Variants in GLIS3 observed in about 807,000 individuals in gnomAD.
The protein encoded by GLIS3 is zinc finger protein GLIS3.
In GLIS3, 53 loss-of-function variants were observed where a neutral mutation model predicts 78.6. That is an observed-to-expected ratio of 0.67 (90% CI 0.54 to 0.85). The LOEUF (loss-of-function observed/expected upper bound fraction) is 0.85, where lower values mean the gene tolerates loss of function less well. GLIS3 is among the 40% of genes least tolerant of loss of function. The probability of loss-of-function intolerance (pLI) is 0.00; values close to 1 mark genes in which losing one functional copy is unlikely to be tolerated. For missense variants in GLIS3, 1,703 were observed against 1,231.1 expected, an observed-to-expected ratio of 1.38 and a Z score of -5.74; for synonymous variants, 684 against 509.9, an observed-to-expected ratio of 1.34 and a Z score of -4.60.
chr9:4,347,957 C>A (rs892063977), intron 1 of GLIS3, among the ~76,000 whole-genome samples: 2 of 152,062 alleles, frequency 1.3e-5, no homozygotes, highest in African/African-American at 4.8e-5. Context: ...TTGTTCATTG[C>A]CCAGGAGTAC....
intron 2 of GLIS3, among the ~76,000 whole-genome samples, chr9:4,236,581 A>T (rs1468225856): frequency 6.6e-6 from 1 of 152,182 alleles, no homozygotes; most frequent in Non-Finnish European, 1.5e-5. Flanking sequence ...GTGGAAAAAA[A>T]TATCTGAAAC....
intron 6 of GLIS3, among the ~76,000 whole-genome samples, chr9:3,929,405 C>T (rs1253684491): frequency 6.6e-6 from 1 of 151,788 alleles, no homozygotes; most frequent in Non-Finnish European, 1.5e-5. Context: ...TCAGGTTTTT[C>T]TTGGTTTTCA....
chr9:4,478,523 A>G, the GLIS3 span, among the ~76,000 whole-genome samples: 1 of 151,978 alleles, frequency 6.6e-6, no homozygotes, highest in African/African-American at 2.4e-5. Flanking sequence ...AGGCACGGAA[A>G]TCGCTTGAAC....
intron 4 of GLIS3, among the ~76,000 whole-genome samples, chr9:4,117,229 C>A (rs2130871309): frequency 6.6e-6 from 1 of 152,314 alleles, no homozygotes; most frequent in South Asian, 2.1e-4. Context: ...AAATCATTAG[C>A]TAGTCTCTCA....
intron 4 of GLIS3, among the ~76,000 whole-genome samples, chr9:4,064,751 G>A (rs973822622): frequency 6.6e-6 from 1 of 152,192 alleles, no homozygotes; most frequent in Non-Finnish European, 1.5e-5. Context: ...CTGAGACTGC[G>A]CCAGTCAGAG....
chr9:4,041,863 T>A (rs2130371483), intron 4 of GLIS3, among the ~76,000 whole-genome samples: 1 of 152,282 alleles, frequency 6.6e-6, no homozygotes, highest in Non-Finnish European at 1.5e-5. Flanking sequence ...TATCTGACAG[T>A]CTTAGTGATT....
chr9:4,477,740 G>A, the GLIS3 span, among the ~76,000 whole-genome samples: 1 of 152,132 alleles, frequency 6.6e-6, no homozygotes, highest in African/African-American at 2.4e-5. Flanking sequence ...TGGGTTCAGA[G>A]TTTCAGTCTG....
chr9:3,909,571 G>A (rs1231943959), intron 6 of GLIS3, among the ~76,000 whole-genome samples: 3 of 152,148 alleles, frequency 2.0e-5, no homozygotes, highest in African/African-American at 7.2e-5. Context: ...TGACTCCAAA[G>A]GCCCAAAATT....
chr9:3,975,419 T>C (rs1301541210), intron 4 of GLIS3, among the ~76,000 whole-genome samples: 1 of 152,198 alleles, frequency 6.6e-6, no homozygotes, highest in Non-Finnish European at 1.5e-5. Flanking sequence ...TTCAGAACCC[T>C]GTTTAGTAAG....
the GLIS3 span, among the ~76,000 whole-genome samples, chr9:4,417,296 A>G: frequency 6.6e-6 from 1 of 152,158 alleles, no homozygotes; most frequent in African/African-American, 2.4e-5. Context: ...TTGGGGACTG[A>G]TATTATTTAA....
At chr9:4,411,111 A>C in the GLIS3 span, among the ~76,000 whole-genome samples, 1 of 152,230 alleles carries the variant, frequency 6.6e-6, no homozygotes, top group African/African-American at 2.4e-5. Context: ...CAACAGATGA[A>C]GCCATATTGT....
intron 4 of GLIS3, among the ~76,000 whole-genome samples, chr9:4,083,619 T>C (rs1422452099): frequency 6.6e-6 from 1 of 152,240 alleles, no homozygotes; most frequent in Non-Finnish European, 1.5e-5. Context: ...TTATTTTTTA[T>C]GTTCCTTCTT....
intron 2 of GLIS3, among the ~76,000 whole-genome samples, chr9:4,315,842 C>T (rs1200903497): frequency 2.6e-5 from 4 of 152,042 alleles, no homozygotes; most frequent in African/African-American, 4.8e-5. Context: ...TCAGCAGTAC[C>T]AGGACATGTT....
At chr9:4,078,816 A>C (rs1298772227) in intron 4 of GLIS3, among the ~76,000 whole-genome samples, 1 of 152,140 alleles carries the variant, frequency 6.6e-6, no homozygotes, top group Non-Finnish European at 1.5e-5. Context: ...AACTACTATG[A>C]ATGTGTTTAG....
At chr9:4,294,322 A>C (rs1328794782) in intron 1 of GLIS3, among the ~76,000 whole-genome samples, 1 of 152,188 alleles carries the variant, frequency 6.6e-6, no homozygotes, top group African/African-American at 2.4e-5. Flanking sequence ...CAGTCTGACT[A>C]ACACAGTGAA....
intron 2 of GLIS3, among the ~76,000 whole-genome samples, chr9:4,162,127 C>G (rs568738255): frequency 1.3e-5 from 2 of 152,234 alleles, no homozygotes; most frequent in South Asian, 4.2e-4. Context: ...GATATGTGAT[C>G]TCCCATCACC....
chr9:4,426,884 A>C, the GLIS3 span, among the ~76,000 whole-genome samples: 3 of 152,248 alleles, frequency 2.0e-5, no homozygotes, highest in Non-Finnish European at 4.4e-5. Context: ...TGGCACACTG[A>C]AAGCATCTGA....
intron 4 of GLIS3, chr9:4,034,977 T>C (rs1254143968): frequency 3.9e-5 from 6 of 152,142 alleles, no homozygotes; most frequent in Admixed American, 3.3e-4. Context: ...CACTGCTATG[T>C]GTACTATTAT....
At chr9:4,227,806 C>A (rs896880017) in intron 2 of GLIS3, among the ~76,000 whole-genome samples, 2 of 152,174 alleles carry the variant, frequency 1.3e-5, no homozygotes, top group Non-Finnish European at 2.9e-5. Context: ...AGAAGCAATT[C>A]TGATTCAATT....
Sources: allele counts gnomAD v4.1 joint callset (sites outside exome capture counted in the v4.1 genomes callset), GRCh38; gene constraint gnomAD v4.1.1; transcripts MANE v1.5; gene names NCBI Gene and HGNC (gene_info 2026-07-23, HGNC 2026-07-21).